Variants in RABEP1 observed in about 807,000 individuals in gnomAD.
The protein encoded by RABEP1 is rab GTPase-binding effector protein 1.
In RABEP1, 51 loss-of-function variants were observed where a neutral mutation model predicts 123.4. That is an observed-to-expected ratio of 0.41 (90% confidence interval 0.33 to 0.52). The LOEUF (loss-of-function observed/expected upper bound fraction) is 0.52. Ranked by LOEUF, RABEP1 falls within the 20% of genes least tolerant of loss-of-function variation. The probability of loss-of-function intolerance (pLI) is 0.16; values close to 1 mark genes in which losing one functional copy is unlikely to be tolerated. For missense variants in RABEP1, 888 were observed against 996.3 expected, an observed-to-expected ratio of 0.89 and a Z score of 1.46; for synonymous variants, 347 against 355.2, an observed-to-expected ratio of 0.98 and a Z score of 0.26.
intron 1 of RABEP1, among the ~76,000 whole-genome samples, chr17:5,306,525 G>T (rs537370645): frequency 5.3e-5 from 8 of 152,200 alleles, no homozygotes; most frequent in African/African-American, 1.9e-4. Flanking sequence ...CTACTCGGGA[G>T]GCTGAGGCAG....
At chr17:5,295,617 A>G (rs935243118) in intron 1 of RABEP1, among the ~76,000 whole-genome samples, 1 of 152,136 alleles carries the variant, frequency 6.6e-6, no homozygotes, top group Admixed American at 6.6e-5. Context: ...AAAATTTGAT[A>G]CTTTTGATAC....
chr17:5,331,155 T>C (rs1431857931), intron 2 of RABEP1, among the ~76,000 whole-genome samples: 1 of 150,732 alleles, frequency 6.6e-6, no homozygotes, highest in Non-Finnish European at 1.5e-5. Context: ...GGAAAATCAT[T>C]CATTAGAAGC....
At chr17:5,305,763 A>C (rs1226982910) in intron 1 of RABEP1, among the ~76,000 whole-genome samples, 2 of 152,250 alleles carry the variant, frequency 1.3e-5, no homozygotes, top group Non-Finnish European at 2.9e-5. Flanking sequence ...ATACCAGCAG[A>C]ATTAGCACAG....
chr17:5,383,348 GCTTA>G lies in RABEP1; in HGVS notation c.*129_*132del. On this transcript the variant is annotated 3_prime_UTR_variant, in exon 18 of 18. Transcript: ENST00000537505. ...ACAACAAAAGGAAGACTGGAGAAAT[GCTTA>G]CTTCTAGAGGGAGAAGACTGTGCGG... The G allele has an allele frequency of 1.3e-6, 1 of 785,380 alleles. No homozygotes were observed. The highest frequency in any genetic ancestry group is 2.7e-5 in the East Asian group (1 of 37,210). The allele number at this position is 785,380 out of a possible 1,614,324, so 48.7% of individuals were successfully genotyped here.
At chr17:5,368,248 TC>T in intron 11 of RABEP1, 121 bp from the exon 12 acceptor site, 1 of 681,310 alleles carries the variant, frequency 1.5e-6, no homozygotes, top group South Asian at 1.8e-5. Context: ...TGGATGATGG[TC>T]AGTGGTTCCC....
chr17:5,316,339 A>C (rs2075294554), intron 2 of RABEP1, among the ~76,000 whole-genome samples: 1 of 150,056 alleles, frequency 6.7e-6, no homozygotes, highest in African/African-American at 2.5e-5. Context: ...AGTCCCAGCT[A>C]CTCAGGAGGC....
chr17:5,375,682 G>C (rs1203603847), intron 13 of RABEP1, among the ~76,000 whole-genome samples: 1 of 151,656 alleles, frequency 6.6e-6, no homozygotes. Context: ...CTCCAGCCTG[G>C]GAGACAGAGT....
intron 17 of RABEP1, 75 bp downstream of exon 17, chr17:5,381,580 G>A: frequency 6.6e-7 from 1 of 1,525,118 alleles, no homozygotes; most frequent in Non-Finnish European, 8.8e-7. Context: ...TCCCTGACTT[G>A]ACCACTGGCA....
chr17:5,332,890 G>A (rs2144602084), intron 3 of RABEP1, among the ~76,000 whole-genome samples: 1 of 152,196 alleles, frequency 6.6e-6, no homozygotes, highest in African/African-American at 2.4e-5. Context: ...GATTACATGT[G>A]TGAGCCACAG....
At chr17:5,379,251 CTTTTCT>C (rs1212297619) in intron 15 of RABEP1, among the ~76,000 whole-genome samples, 1 of 152,290 alleles carries the variant, frequency 6.6e-6, no homozygotes, top group East Asian at 1.9e-4. Context: ...TATTCCCAGT[CTTTTCT>C]TTTTCTTCAG....
At chr17:5,372,962 T>A (rs1910640896) in intron 12 of RABEP1, among the ~76,000 whole-genome samples, 1 of 152,188 alleles carries the variant, frequency 6.6e-6, no homozygotes, top group Non-Finnish European at 1.5e-5. Flanking sequence ...TTCACTGTTT[T>A]GCCCAGGCTG....
intron 3 of RABEP1, among the ~76,000 whole-genome samples, chr17:5,332,702 G>GGGCTCAAGC: frequency 6.9e-6 from 1 of 145,442 alleles, no homozygotes; most frequent in South Asian, 2.3e-4. Context: ...TCTGCCTCCC[G>GGGCTCAAGC]GGCTCAAGCG....
intron 2 of RABEP1, among the ~76,000 whole-genome samples, chr17:5,320,441 A>G (rs1036081228): frequency 9.9e-5 from 14 of 141,120 alleles, no homozygotes; most frequent in Middle Eastern, 3.6e-3. Context: ...AAAAAAAAAA[A>G]AAAGAAAAAG....
At position 5,361,266 on chromosome 17, in the gene RABEP1, C is replaced by A; in HGVS notation, c.1154C>A (p.Pro385Gln). The stretch of plus-strand genomic sequence containing the variant: ...TCCTTAGATGCAGGCTTGCTGTTGC[C>A]ATCTGGAGATCCTTTCAGTAAATCG... ...VHSLDAGLLL[P>Q]SGDPFSKSDN... is the part of the protein sequence containing the mutation. The change falls in exon 9 of 18, where the codon CCA (proline) becomes CAA (glutamine). Residue 385 changes from proline (P) to glutamine (Q), a missense_variant. Pro to Gln is a moderately conservative substitution (Grantham distance 76, BLOSUM62 -1). Coordinates refer to ENST00000537505, the MANE Select transcript of RABEP1 (RefSeq NM_004703.6). 1 of 1,614,174 alleles carries A rather than the reference C, an allele frequency of 6.2e-7. No individual in the cohort carries two copies. Among genetic ancestry groups the A allele is most frequent in the Non-Finnish European group, 8.5e-7 (1 of 1,180,044 alleles).
intron 2 of RABEP1, among the ~76,000 whole-genome samples, chr17:5,331,369 A>C (rs1326850561): frequency 6.6e-6 from 1 of 152,206 alleles, no homozygotes; most frequent in African/African-American, 2.4e-5. Flanking sequence ...TACTGTTGAT[A>C]AGTTCATCTT....
intron 12 of RABEP1, among the ~76,000 whole-genome samples, chr17:5,372,915 A>G (rs761919227): frequency 3.3e-5 from 5 of 152,082 alleles, no homozygotes; most frequent in Admixed American, 2.0e-4. Flanking sequence ...ACCCCGCTGT[A>G]CCCAGCTAAC....
In RABEP1 at chr17:5,361,215, T is replaced by C. The variant is rs1909499278; in HGVS notation, c.1103T>C (p.Leu368Ser). 1 of 1,612,900 alleles carries C rather than the reference T, an allele frequency of 6.2e-7. No individual in the cohort carries two copies. The highest frequency in any genetic ancestry group is 8.5e-7 in the Non-Finnish European group (1 of 1,179,254). ...TGTATTTTCACATTTCAGGAGCATT[T>C]AGACAGCACCCGTGGCTCAGTTCAT... Reference protein sequence around the residue: ...SAQLSNEEEHLDSTRGSVHSL... With the variant: ...SAQLSNEEEHSDSTRGSVHSL... Residue 368 changes from leucine (L) to serine (S), a missense_variant, in exon 9 of 18, where the codon TTA becomes TCA. Coordinates refer to ENST00000537505, the MANE Select transcript of RABEP1 (RefSeq NM_004703.6).
chr17:5,338,954 T>G (rs1357639770), intron 5 of RABEP1, among the ~76,000 whole-genome samples: 1 of 152,016 alleles, frequency 6.6e-6, no homozygotes, highest in Non-Finnish European at 1.5e-5. Flanking sequence ...CCCAGGAATT[T>G]GAGACCAGCC....
chr17:5,379,552 C>T (rs373991318), intron 15 of RABEP1, among the ~76,000 whole-genome samples: 1 of 152,202 alleles, frequency 6.6e-6, no homozygotes. Flanking sequence ...CCTCCACCTG[C>T]TGCAGTCTGC....
Sources: allele counts gnomAD v4.1 joint callset (sites outside exome capture counted in the v4.1 genomes callset), GRCh38; gene constraint gnomAD v4.1.1; transcripts MANE v1.5; gene names NCBI Gene and HGNC (gene_info 2026-07-23, HGNC 2026-07-21).